Variants in MBNL1 observed in about 807,000 individuals in gnomAD.
The protein encoded by MBNL1 is muscleblind-like protein 1.
Under a neutral mutation model 42.2 loss-of-function variants are expected in MBNL1, and 8 were observed. The observed-to-expected ratio is 0.19, with a 90% confidence interval of 0.11 to 0.34. The LOEUF is 0.34. Among genes scored for constraint, MBNL1 ranks in the 10% least tolerant of loss-of-function variants. The probability of loss-of-function intolerance (pLI) is 1.00; values close to 1 mark genes in which losing one functional copy is unlikely to be tolerated. For synonymous variants in MBNL1, 169 were observed against 173.9 expected (o/e 0.97, Z 0.22); for missense variants, 309 against 495.3 (o/e 0.62, Z 3.57).
At chr3:152,425,028 G>C (rs1291472885) in intron 3 of MBNL1, among the ~76,000 whole-genome samples, 1 of 152,144 alleles carries the variant, frequency 6.6e-6, no homozygotes, top group Non-Finnish European at 1.5e-5. Context: ...AACACCAAAA[G>C]CAATGGCAAC....
At chr3:152,433,993 A>G (rs2099044445) in intron 4 of MBNL1, among the ~76,000 whole-genome samples, 1 of 152,186 alleles carries the variant, frequency 6.6e-6, no homozygotes, top group African/African-American at 2.4e-5. Context: ...CATTGAACCC[A>G]CCTAAAGAAC....
chr3:152,395,199 C>T (rs2097878650), intron 2 of MBNL1, among the ~76,000 whole-genome samples: 1 of 152,078 alleles, frequency 6.6e-6, no homozygotes, highest in Non-Finnish European at 1.5e-5. Context: ...GTCTATAAAA[C>T]AAAAATATGG....
At chr3:152,420,556 G>T (rs1560524128) in intron 3 of MBNL1, among the ~76,000 whole-genome samples, 1 of 152,170 alleles carries the variant, frequency 6.6e-6, no homozygotes, top group Non-Finnish European at 1.5e-5. Context: ...CTAACAAACA[G>T]AAAGCAATAA....
At chr3:152,310,248 A>T (rs1446405136) in intron 2 of MBNL1, among the ~76,000 whole-genome samples, 1 of 152,216 alleles carries the variant, frequency 6.6e-6, no homozygotes, top group Non-Finnish European at 1.5e-5. Flanking sequence ...AAACTGAGTC[A>T]GATTGATTTT....
intron 2 of MBNL1, chr3:152,302,379 A>G (rs904411289): frequency 3.3e-5 from 5 of 152,142 alleles, no homozygotes; most frequent in African/African-American, 1.2e-4. Flanking sequence ...TTTATTTATG[A>G]TGGAGCTTCA....
At chr3:152,423,755 C>T (rs1245195345) in intron 3 of MBNL1, among the ~76,000 whole-genome samples, 5 of 152,170 alleles carry the variant, frequency 3.3e-5, no homozygotes, top group African/African-American at 1.2e-4. Context: ...GGTTTCATCC[C>T]TGGGATGCAA....
At chr3:152,457,766 C>T (rs563435044) in intron 8 of MBNL1, 18 of 201,294 alleles carry the variant, frequency 8.9e-5, no homozygotes, top group Non-Finnish European at 1.3e-4. Context: ...AACTCTCATG[C>T]GTCTACCATG....
chr3:152,297,287 A>T, intron 1 of MBNL1, among the ~76,000 whole-genome samples: 3 of 133,524 alleles, frequency 2.2e-5, no homozygotes, highest in Admixed American at 7.7e-5. Context: ...AGAAACTGGC[A>T]TTAAGACCTA....
At chr3:152,308,944 C>T (rs2064805336) in intron 2 of MBNL1, among the ~76,000 whole-genome samples, 1 of 151,872 alleles carries the variant, frequency 6.6e-6, no homozygotes, top group South Asian at 2.1e-4. Context: ...AACTTATGTA[C>T]TTCCTATGTC....
Position 152,300,123 on chromosome 3 carries a change from T to G in MBNL1, c.-71T>G. 2.0e-6 allele frequency: 2 copies of G among 994,358 alleles called. No homozygotes were observed. The highest frequency in any genetic ancestry group is 2.9e-6 in the Non-Finnish European group (2 of 681,382). 61.6% of individuals were successfully genotyped at this position (994,358 alleles called of 1,614,324 possible). A position where few individuals can be genotyped will look rare whatever the true frequency, so the allele number is the denominator to read the frequency against. The stretch of plus-strand genomic sequence containing the variant: ...ATCAGTTCAGCTTTTTTTTTTTGGT[T>G]GTTGCTCTTTTTTGGGGGGGTTGGG... On this transcript the variant is annotated 5_prime_UTR_variant, in exon 2 of 10. Coordinates refer to ENST00000324210, the MANE Select transcript of MBNL1 (RefSeq NM_021038.5).
Position 152,300,238 on chromosome 3 carries a change from A to G in MBNL1, c.45A>G (p.Thr15=), listed in dbSNP as rs376731460. ...CAATTCGGGACACAAAATGGCTAAC[A>G]CTGGAAGTATGTAGAGAGTTCCAGA... The part of the protein sequence containing the change: ...VTPIRDTKWL[T]LEVCREFQRG... Residue 15 remains threonine (T), a synonymous_variant, in exon 2 of 10, where the codon ACA becomes ACG. Transcript: ENST00000324210. 8 of 1,613,148 alleles carry G rather than the reference A, an allele frequency of 5.0e-6. No individual in the cohort carries two copies. In the African/African-American group the frequency reaches 9.3e-5, roughly 19 times the overall value.
intron 1 of MBNL1, among the ~76,000 whole-genome samples, chr3:152,289,704 T>C (rs115046740): frequency 2.0e-5 from 3 of 152,116 alleles, no homozygotes; most frequent in African/African-American, 7.2e-5. Flanking sequence ...GATTATTTGT[T>C]AAAAAGTAAT....
chr3:152,299,166 G>C (rs1410227658), intron 1 of MBNL1: 2 of 152,558 alleles, frequency 1.3e-5, no homozygotes, highest in African/African-American at 4.8e-5. Flanking sequence ...ATCTGTGATT[G>C]GTTATCTCTC....
intron 1 of MBNL1, among the ~76,000 whole-genome samples, chr3:152,281,184 C>T (rs2048255813): frequency 6.6e-6 from 1 of 152,080 alleles, no homozygotes; most frequent in Admixed American, 6.6e-5. Context: ...CTTTCTGGCT[C>T]CCAAGTGAGA....
chr3:152,406,536 C>T (rs545192075), intron 2 of MBNL1, among the ~76,000 whole-genome samples: 6 of 152,218 alleles, frequency 3.9e-5, no homozygotes, highest in Non-Finnish European at 1.5e-5. Context: ...TCAGTGGCAG[C>T]TACTTTGACT....
At chr3:152,289,591 A>G (rs2054649861) in intron 1 of MBNL1, among the ~76,000 whole-genome samples, 1 of 152,022 alleles carries the variant, frequency 6.6e-6, no homozygotes, top group African/African-American at 2.4e-5. Flanking sequence ...TATTTTTTTG[A>G]AAAAAAGTCA....
intron 5 of MBNL1, among the ~76,000 whole-genome samples, chr3:152,446,179 C>G (rs796933835): frequency 1.3e-5 from 2 of 151,972 alleles, no homozygotes; most frequent in African/African-American, 4.8e-5. Context: ...AAACTATATT[C>G]TCAAGGTAAA....
chr3:152,256,739 A>G (rs142106619), intron 2 of MBNL1, among the ~76,000 whole-genome samples: 1 of 152,332 alleles, frequency 6.6e-6, no homozygotes, highest in East Asian at 1.9e-4. Flanking sequence ...TAAATTGAGT[A>G]AACAAGCTCA....
At chr3:152,276,637 G>T (rs143282394) in intron 1 of MBNL1, among the ~76,000 whole-genome samples, 1 of 152,214 alleles carries the variant, frequency 6.6e-6, no homozygotes, top group East Asian at 1.9e-4. Context: ...AAGGCCTGGG[G>T]TGAGGGGTGG....
Sources: gnomAD v4.1 joint callset for allele counts (sites outside exome capture counted in the v4.1 genomes callset) on GRCh38, gnomAD v4.1.1 for gene constraint, MANE v1.5 for transcripts, NCBI Gene and HGNC (gene_info 2026-07-23, HGNC 2026-07-21) for gene names.